Variants in COBL observed in about 807,000 individuals in gnomAD.
The protein encoded by COBL is protein cordon-bleu.
COBL carries 51 observed loss-of-function variants against 98.8 expected under a neutral mutation model. The observed-to-expected ratio is 0.52, with a 90% CI of 0.41 to 0.65. The LOEUF (loss-of-function observed/expected upper bound fraction) is 0.65, where lower values mean the gene tolerates loss of function less well. Among genes scored for constraint, COBL ranks in the 30% least tolerant of loss-of-function variants. COBL has a pLI of 0.00. For synonymous variants in COBL, 634 were observed against 651.7 expected (o/e 0.97, Z 0.41); for missense variants, 1,617 against 1,617.5 (o/e 1.00, Z 0.01).
intron 5 of COBL, among the ~76,000 whole-genome samples, chr7:51,151,451 C>T (rs528430937): frequency 2.0e-5 from 3 of 152,260 alleles, no homozygotes; most frequent in African/African-American, 7.2e-5. Flanking sequence ...GTCGCACCTG[C>T]CCTTCCAGAG....
At chr7:51,046,060 G>A (rs1297600640) in intron 7 of COBL, among the ~76,000 whole-genome samples, 4 of 119,320 alleles carry the variant, frequency 3.4e-5, no homozygotes, top group African/African-American at 5.4e-5. Context: ...AGAAGCAGGT[G>A]GGGGTGGGGG....
intron 1 of COBL, among the ~76,000 whole-genome samples, chr7:51,231,230 C>T (rs771773873): frequency 6.6e-6 from 1 of 152,198 alleles, no homozygotes; most frequent in African/African-American, 2.4e-5. Context: ...AGTGTGGAAT[C>T]AAACCCTTCT....
rs200311072 is a variant in COBL, at chr7:51,258,417, A to C, written c.42-38473T>G. The stretch of plus-strand genomic sequence containing the variant: ...GACATTAAACCCTAGGACAGATGAC[A>C]CAACAAAGCAGGACTCCTTCCTCCA... On this transcript the variant is annotated intron_variant, in intron 1 of 12. Coordinates refer to ENST00000265136, the MANE Select transcript of COBL (RefSeq NM_015198.5). Among the ~76,000 whole-genome samples, 27 of 152,348 alleles carry C rather than the reference A, an allele frequency of 1.8e-4. No individual in the cohort carries two copies. In the East Asian group the frequency reaches 5.2e-3, roughly 29 times the overall value.
intron 2 of COBL, among the ~76,000 whole-genome samples, chr7:51,199,380 A>G (rs1328621973): frequency 2.0e-5 from 3 of 152,198 alleles, no homozygotes; most frequent in Admixed American, 2.0e-4. Context: ...GCTCCTTCAA[A>G]TGCACAGACA....
At chr7:51,078,109 T>A (rs1440832768) in intron 7 of COBL, among the ~76,000 whole-genome samples, 1 of 152,204 alleles carries the variant, frequency 6.6e-6, no homozygotes, top group African/African-American at 2.4e-5. Flanking sequence ...GACTTCCACG[T>A]ACCTCAGAGA....
chr7:51,115,385 G>GT (rs1797186042), intron 6 of COBL, among the ~76,000 whole-genome samples: 2 of 151,628 alleles, frequency 1.3e-5, no homozygotes, highest in Non-Finnish European at 1.5e-5. Flanking sequence ...TTAACCTTTA[G>GT]TTTTTTCTAT....
intron 1 of COBL, among the ~76,000 whole-genome samples, chr7:51,236,752 C>G (rs759662844): frequency 6.6e-6 from 1 of 152,112 alleles, no homozygotes; most frequent in Non-Finnish European, 1.5e-5. Flanking sequence ...AGGTGCAATG[C>G]GTAGTATATA....
intron 7 of COBL, among the ~76,000 whole-genome samples, chr7:51,063,169 C>G (rs1339784890): frequency 6.8e-6 from 1 of 147,348 alleles, no homozygotes; most frequent in Non-Finnish European, 1.5e-5. Flanking sequence ...AAGTCTCACT[C>G]TGTCACCTAG....
intron 1 of COBL, among the ~76,000 whole-genome samples, chr7:51,250,344 T>C (rs1292972502): frequency 6.6e-6 from 1 of 152,214 alleles, no homozygotes; most frequent in Non-Finnish European, 1.5e-5. Flanking sequence ...CAGTTGCCTA[T>C]GCTATTATAA....
intron 2 of COBL, among the ~76,000 whole-genome samples, chr7:51,212,222 TC>T (rs1792523160): frequency 1.3e-5 from 2 of 152,202 alleles, no homozygotes; most frequent in African/African-American, 2.4e-5. Context: ...TGTACAGACT[TC>T]AAAAAATTTT....
intron 12 of COBL, 94 bp from the exon 13 acceptor site, chr7:51,017,662 T>C: frequency 7.7e-7 from 1 of 1,297,562 alleles, no homozygotes; most frequent in Non-Finnish European, 1.1e-6. Flanking sequence ...CAGCCACTCT[T>C]GCAATAGTAC....
intron 2 of COBL, among the ~76,000 whole-genome samples, chr7:51,207,131 G>A (rs1404987449): frequency 6.6e-6 from 1 of 151,780 alleles, no homozygotes; most frequent in Admixed American, 6.6e-5. Context: ...TACACCTTCA[G>A]TATATACCAT....
intron 6 of COBL, among the ~76,000 whole-genome samples, chr7:51,102,317 G>A (rs553551637): frequency 6.6e-6 from 1 of 152,200 alleles, no homozygotes; most frequent in South Asian, 2.1e-4. Flanking sequence ...GGAAGCATTT[G>A]CTCCACTTTG....
rs114641501 is a variant in COBL at position 51,290,180 on chromosome 7, T to C, written c.41+26413A>G. The stretch of plus-strand genomic sequence containing the variant: ...TTGGACTTGAGCAAACACAATCAAA[T>C]GCATACACCAATCACAGAGACTCAA... On this transcript the variant is annotated intron_variant, in intron 1 of 12. Transcript: ENST00000265136. Among the ~76,000 whole-genome samples the C allele has an allele frequency of 1.7e-3, 260 of 152,320 alleles. 1 individual carries two copies. Among genetic ancestry groups the C allele is most frequent in the African/African-American group, 6.1e-3 (252 of 41,564 alleles).
intron 5 of COBL, among the ~76,000 whole-genome samples, chr7:51,148,516 T>C (rs1785250600): frequency 6.6e-6 from 1 of 152,218 alleles, no homozygotes; most frequent in South Asian, 2.1e-4. Context: ...CCTTGGCCCA[T>C]GGATGCTGTC....
At chr7:51,229,175 GTGAA>G (rs1374697394) in intron 1 of COBL, among the ~76,000 whole-genome samples, 2 of 152,236 alleles carry the variant, frequency 1.3e-5, no homozygotes, top group Non-Finnish European at 2.9e-5. Flanking sequence ...GGAGTGCAGA[GTGAA>G]GCAGTGCCCT....
intron 1 of COBL, among the ~76,000 whole-genome samples, chr7:51,288,518 C>T (rs982731758): frequency 4.6e-5 from 7 of 151,742 alleles, no homozygotes; most frequent in African/African-American, 1.7e-4. Flanking sequence ...TTTGTGAGGC[C>T]GAGGCAGGTG....
At chr7:51,136,455 G>T in intron 5 of COBL, 124 bp from the exon 6 acceptor site, 1 of 1,046,952 alleles carries the variant, frequency 9.6e-7, no homozygotes, top group Non-Finnish European at 1.4e-6. Context: ...TGTTTCTACA[G>T]TCAGCTTGAA....
At chr7:51,186,602 C>T (rs752122001) in intron 4 of COBL, among the ~76,000 whole-genome samples, 3 of 152,196 alleles carry the variant, frequency 2.0e-5, no homozygotes, top group African/African-American at 7.2e-5. Context: ...AGGACAGCCC[C>T]GGCACCAGAA....
Sources: gnomAD v4.1 joint callset for allele counts (sites outside exome capture counted in the v4.1 genomes callset) on GRCh38, gnomAD v4.1.1 for gene constraint, MANE v1.5 for transcripts, NCBI Gene and HGNC (gene_info 2026-07-23, HGNC 2026-07-21) for gene names.